THSD7A: variants seen among roughly 807,000 people sequenced by gnomAD.
THSD7A encodes the protein thrombospondin type 1 domain containing 7A, also known as thrombospondin type-1 domain-containing protein 7A.
In THSD7A, 96 loss-of-function variants were observed where a neutral mutation model predicts 231.3. The ratio of observed to expected loss-of-function variants is 0.41; its 90% CI spans 0.35 to 0.49. The LOEUF (loss-of-function observed/expected upper bound fraction) is 0.49. THSD7A is among the 20% of genes least tolerant of loss of function. The pLI, the probability that THSD7A is intolerant of heterozygous loss-of-function variation, is 0.05. For synonymous variants in THSD7A, 940 were observed against 743.3 expected (o/e 1.26, Z -4.30); for missense variants, 2,290 against 2,070.2 (o/e 1.11, Z -2.06).
chr7:11,379,632 C>T lies in THSD7A; in HGVS notation c.4588G>A (p.Glu1530Lys), dbSNP rs138073597. 2.0e-4 allele frequency: 316 copies of T among 1,578,458 alleles called. No homozygotes were observed. Among genetic ancestry groups the T allele is most frequent in the Middle Eastern group, 1.0e-3 (6 of 6,008 alleles). The change falls in exon 25 of 28, where the codon GAG (glutamate) becomes AAG (lysine). Residue 1530 changes from glutamate to lysine, a missense_variant and splice_region_variant. Glu to Lys is a moderately conservative substitution (Grantham distance 56). Transcript: ENST00000423059. The stretch of plus-strand genomic sequence containing the variant: ...TGCCCTGATGAATTTTCACATACCT[C>T]GCTACAGTACGAGTGGGGTTGACTA... The part of the protein sequence containing the change: ...PCSQPHSYCS[E>K]TKTCHCEEGY...
At chr7:11,653,559 T>G (rs1782592615) in intron 1 of THSD7A, among the ~76,000 whole-genome samples, 1 of 150,442 alleles carries the variant, frequency 6.6e-6, no homozygotes, top group African/African-American at 2.4e-5. Flanking sequence ...TATTCACAGG[T>G]GCAATCATAG....
intron 1 of THSD7A, among the ~76,000 whole-genome samples, chr7:11,726,687 A>AT (rs1562508622): frequency 6.6e-6 from 1 of 151,888 alleles, no homozygotes; most frequent in Non-Finnish European, 1.5e-5. Flanking sequence ...TTGGGCCGAC[A>AT]TTTTTTCCAC....
chr7:11,769,153 A>ATTTTTTTTTTTTTT (rs1227041855), intron 1 of THSD7A, among the ~76,000 whole-genome samples: 4 of 27,644 alleles, frequency 1.4e-4, no homozygotes, highest in Non-Finnish European at 2.1e-4. Flanking sequence ...ATATATATAT[A>ATTTTTTTTTTTTTT]TTTTTTTTTT....
intron 16 of THSD7A, among the ~76,000 whole-genome samples, chr7:11,418,385 C>T (rs1347865612): frequency 6.6e-6 from 1 of 152,016 alleles, no homozygotes; most frequent in African/African-American, 2.4e-5. Context: ...AACATGGCTA[C>T]TATCAGACTT....
At chr7:11,823,484 C>A (rs1408201220) in intron 1 of THSD7A, among the ~76,000 whole-genome samples, 1 of 151,832 alleles carries the variant, frequency 6.6e-6, no homozygotes, top group African/African-American at 2.4e-5. Context: ...TTTTCTAATT[C>A]TGTGAAACAT....
chr7:11,788,766 C>T (rs975617468), intron 1 of THSD7A, among the ~76,000 whole-genome samples: 2 of 151,892 alleles, frequency 1.3e-5, no homozygotes, highest in Non-Finnish European at 2.9e-5. Context: ...ATTTTATTAT[C>T]TGTAAAATGG....
At chr7:11,603,160 T>C (rs530257648) in intron 2 of THSD7A, among the ~76,000 whole-genome samples, 1 of 151,412 alleles carries the variant, frequency 6.6e-6, no homozygotes, top group African/African-American at 2.4e-5. Flanking sequence ...GAATCTACAA[T>C]GAACTCAAAC....
intron 4 of THSD7A, among the ~76,000 whole-genome samples, chr7:11,559,317 T>G (rs1388936647): frequency 6.6e-6 from 1 of 152,158 alleles, no homozygotes; most frequent in Non-Finnish European, 1.5e-5. Context: ...GGAAATTTGT[T>G]ATGGAGGCAG....
rs528662346 is a variant in THSD7A, at chr7:11,597,359, T to C, written c.1023-3857A>G. 5.3e-4 allele frequency among the ~76,000 whole-genome samples: 81 copies of C among 152,348 alleles called. No individual in the cohort carries two copies. The Middle Eastern group carries it at 0.017, about 32-fold the overall frequency. On this transcript the variant is annotated intron_variant, in intron 2 of 27. Coordinates refer to ENST00000423059, the MANE Select transcript of THSD7A (RefSeq NM_015204.3). The stretch of plus-strand genomic sequence containing the variant: ...ACACATTCCTCAACTGGTGTGTTAG[T>C]CTGGCCCATATACCGAGTGACCTGA...
chr7:11,458,929 A>G (rs986555020), intron 11 of THSD7A, among the ~76,000 whole-genome samples: 3 of 152,190 alleles, frequency 2.0e-5, no homozygotes, highest in African/African-American at 4.8e-5. Flanking sequence ...GCATGTGCCA[A>G]CTACTCTAAG....
intron 1 of THSD7A, among the ~76,000 whole-genome samples, chr7:11,639,112 T>C (rs1781979373): frequency 6.6e-6 from 1 of 152,180 alleles, no homozygotes; most frequent in African/African-American, 2.4e-5. Flanking sequence ...GAGTAAACTA[T>C]ATGCCATTAA....
chr7:11,451,009 T>C (rs946157322), intron 11 of THSD7A, among the ~76,000 whole-genome samples: 7 of 152,044 alleles, frequency 4.6e-5, no homozygotes, highest in African/African-American at 1.4e-4. Flanking sequence ...ATTTAAGTGA[T>C]ATAGGACAGG....
At chr7:11,661,944 T>C (rs1307662979) in intron 1 of THSD7A, among the ~76,000 whole-genome samples, 1 of 151,080 alleles carries the variant, frequency 6.6e-6, no homozygotes, top group African/African-American at 2.4e-5. Flanking sequence ...TAATTTTGAG[T>C]TGACTGTAAG....
intron 1 of THSD7A, among the ~76,000 whole-genome samples, chr7:11,775,744 T>C (rs570623187): frequency 6.6e-6 from 1 of 152,256 alleles, no homozygotes; most frequent in East Asian, 1.9e-4. Context: ...AAGGTGAAAA[T>C]CTCTGAAGAT....
At chr7:11,638,313 C>T (rs557880905) in intron 1 of THSD7A, among the ~76,000 whole-genome samples, 1 of 152,172 alleles carries the variant, frequency 6.6e-6, no homozygotes, top group Non-Finnish European at 1.5e-5. Context: ...CAAAACCATT[C>T]TGGATTTTAG....
At chr7:11,460,568 G>A (rs1785468317) in intron 11 of THSD7A, 94 bp downstream of exon 11, 1 of 930,936 alleles carries the variant, frequency 1.1e-6, no homozygotes, top group Non-Finnish European at 1.6e-6. Flanking sequence ...GCTTTGCTCT[G>A]TTTGCTAAGC....
Position 11,772,543 on chromosome 7 carries a change from T to C in THSD7A, c.190+59214A>G, listed in dbSNP as rs533892619. ...TACACCATGAAATACTATGTACCCATAAAAAAAGAAATCATGTCCTTTACA... is the reference window on the plus strand; with the variant it reads ...TACACCATGAAATACTATGTACCCACAAAAAAAGAAATCATGTCCTTTACA... On this transcript the variant is annotated intron_variant, in intron 1 of 27. Coordinates refer to ENST00000423059, the MANE Select transcript of THSD7A (RefSeq NM_015204.3). Among the ~76,000 whole-genome samples, 204 of 152,128 alleles carry C rather than the reference T, an allele frequency of 1.3e-3. 1 individual carries two copies. The highest frequency in any genetic ancestry group is 3.4e-3 in the Middle Eastern group (1 of 294).
At chr7:11,516,867 G>A (rs1788050937) in intron 6 of THSD7A, among the ~76,000 whole-genome samples, 1 of 152,126 alleles carries the variant, frequency 6.6e-6, no homozygotes, top group Non-Finnish European at 1.5e-5. Context: ...TTTTTGGTAA[G>A]AAAAGGACAT....
intron 4 of THSD7A, among the ~76,000 whole-genome samples, chr7:11,565,089 A>C (rs1790251042): frequency 6.6e-6 from 1 of 152,108 alleles, no homozygotes; most frequent in Admixed American, 6.6e-5. Flanking sequence ...TGTACATAGA[A>C]CTCATACTGA....
Sources: allele counts gnomAD v4.1 joint callset (sites outside exome capture counted in the v4.1 genomes callset), GRCh38; gene constraint gnomAD v4.1.1; transcripts MANE v1.5; gene names NCBI Gene and HGNC (gene_info 2026-07-23, HGNC 2026-07-21).